KCNJ3: variants seen among roughly 807,000 people sequenced by gnomAD.
KCNJ3 encodes G protein-activated inward rectifier potassium channel 1.
In KCNJ3, 4 loss-of-function variants were observed where a neutral mutation model predicts 39.2. The ratio of observed to expected loss-of-function variants is 0.10; its 90% CI spans 0.05 to 0.23. The LOEUF (loss-of-function observed/expected upper bound fraction) is 0.23. Ranked by LOEUF, KCNJ3 falls within the 10% of genes least tolerant of loss-of-function variation. The probability of loss-of-function intolerance (pLI) is 1.00; values close to 1 mark genes in which losing one functional copy is unlikely to be tolerated. For synonymous variants in KCNJ3, 230 were observed against 237.4 expected (o/e 0.97, Z 0.29); for missense variants, 276 against 634.9 (o/e 0.43, Z 6.08).
chr2:154,853,292 T>TA (rs1353849335), intron 2 of KCNJ3, among the ~76,000 whole-genome samples: 1 of 152,126 alleles, frequency 6.6e-6, no homozygotes, highest in Non-Finnish European at 1.5e-5. Context: ...TGGTAATATA[T>TA]AACAGAATAT....
At chr2:154,770,487 T>G (rs565549081) in intron 2 of KCNJ3, among the ~76,000 whole-genome samples, 5 of 152,234 alleles carry the variant, frequency 3.3e-5, no homozygotes, top group Non-Finnish European at 5.9e-5. Context: ...TTGCCTGTAG[T>G]GTTTTAAGGA....
chr2:154,837,824 T>C lies in KCNJ3; in HGVS notation c.920-16903T>C, dbSNP rs560436133. ...CTCTTTTTCCATCCACCCCAGAATG[T>C]AGTTTTCTCACATTGCGGATATAGA... On this transcript the variant is annotated intron_variant, in intron 2 of 2. Transcript: ENST00000295101. Among the ~76,000 whole-genome samples the C allele has an allele frequency of 2.6e-5, 4 of 152,322 alleles. No individual in the cohort carries two copies. The South Asian group carries it at 8.3e-4, about 32-fold the overall frequency.
Position 154,855,539 on chromosome 2 carries a change from G to T in KCNJ3, c.*226G>T. ...TAACGGGCATGTATTATCACATCAA[G>T]CATGCAATAATGTGCAAATTTTGCA... On this transcript the variant is annotated 3_prime_UTR_variant, in exon 3 of 3. Transcript: ENST00000295101. 2.4e-6 allele frequency: 1 copy of T among 420,254 alleles called. No homozygotes were observed. The highest frequency in any genetic ancestry group is 4.2e-6 in the Non-Finnish European group (1 of 235,524). 26.0% of individuals were successfully genotyped at this position (420,254 alleles called of 1,614,324 possible). A position where few individuals can be genotyped will look rare whatever the true frequency, so the allele number is the denominator to read the frequency against.
chr2:154,702,301 T>C (rs1448850181), intron 1 of KCNJ3, among the ~76,000 whole-genome samples: 1 of 151,996 alleles, frequency 6.6e-6, no homozygotes, highest in Non-Finnish European at 1.5e-5. Flanking sequence ...AGTGCATGTA[T>C]TCTTTTCCTA....
intron 2 of KCNJ3, among the ~76,000 whole-genome samples, chr2:154,719,261 A>C (rs1304568329): frequency 6.6e-6 from 1 of 152,196 alleles, no homozygotes; most frequent in Admixed American, 6.5e-5. Context: ...GAAAGCCACT[A>C]GTATTTATTG....
chr2:154,742,675 G>GA (rs1202829281), intron 2 of KCNJ3, among the ~76,000 whole-genome samples: 38 of 151,610 alleles, frequency 2.5e-4, no homozygotes, highest in Non-Finnish European at 1.5e-5. Context: ...ATTTTCTTTG[G>GA]AAAAAATGTC....
chr2:154,842,586 TA>T (rs1205576147), intron 2 of KCNJ3, among the ~76,000 whole-genome samples: 1 of 152,324 alleles, frequency 6.6e-6, no homozygotes, highest in African/African-American at 2.4e-5. Flanking sequence ...AGTCTCTTTT[TA>T]GGTCTCTAAG....
intron 2 of KCNJ3, among the ~76,000 whole-genome samples, chr2:154,845,637 G>A (rs1483979889): frequency 1.3e-5 from 2 of 152,114 alleles, no homozygotes; most frequent in African/African-American, 2.4e-5. Flanking sequence ...ATGAGACTGG[G>A]ACATTTCCAC....
At chr2:154,805,395 A>AT (rs1292580344) in intron 2 of KCNJ3, among the ~76,000 whole-genome samples, 3 of 151,994 alleles carry the variant, frequency 2.0e-5, no homozygotes, top group Admixed American at 6.6e-5. Flanking sequence ...CTTGTGAAGT[A>AT]TTTTTTTCTC....
intron 2 of KCNJ3, among the ~76,000 whole-genome samples, chr2:154,735,832 C>G (rs1383017030): frequency 6.6e-6 from 1 of 152,100 alleles, no homozygotes; most frequent in Non-Finnish European, 1.5e-5. Context: ...TTCTCCTGCC[C>G]TATAGTTTTC....
At chr2:154,728,622 A>G (rs1685399760) in intron 2 of KCNJ3, among the ~76,000 whole-genome samples, 1 of 152,194 alleles carries the variant, frequency 6.6e-6, no homozygotes, top group Non-Finnish European at 1.5e-5. Flanking sequence ...CCTATAAAAG[A>G]ATGTAGCATG....
intron 2 of KCNJ3, among the ~76,000 whole-genome samples, chr2:154,765,403 A>G (rs1382979700): frequency 6.6e-6 from 1 of 152,188 alleles, no homozygotes; most frequent in African/African-American, 2.4e-5. Flanking sequence ...ATATTTATAT[A>G]CATATTTTGC....
Position 154,698,883 on chromosome 2 carries a change from G to T in KCNJ3, c.108G>T (p.Gln36His). The T allele has an allele frequency of 6.2e-7, 1 of 1,614,206 alleles. No individual in the cohort carries two copies. Among genetic ancestry groups the T allele is most frequent in the Non-Finnish European group, 8.5e-7 (1 of 1,180,044 alleles). ...GGCCAGGCCAGGACCCTCAGCAGCAGCTTGTGCCCAAGAAGAAGCGGCAGC... is the reference window on the plus strand; with the variant it reads ...GGCCAGGCCAGGACCCTCAGCAGCATCTTGTGCCCAAGAAGAAGCGGCAGC... ...PQGPGQDPQQ[Q>H]LVPKKKRQRF... is the part of the protein sequence containing the mutation. Residue 36 changes from glutamine to histidine, a missense_variant, in exon 1 of 3, where the codon CAG becomes CAT. Transcript: ENST00000295101.
intron 2 of KCNJ3, among the ~76,000 whole-genome samples, chr2:154,825,251 G>A (rs1408407877): frequency 2.0e-5 from 3 of 152,030 alleles, no homozygotes; most frequent in Non-Finnish European, 4.4e-5. Flanking sequence ...CATGCTCAGG[G>A]TGAATGCCCA....
chr2:154,728,074 T>A (rs1266693990), intron 2 of KCNJ3, among the ~76,000 whole-genome samples: 1 of 151,990 alleles, frequency 6.6e-6, no homozygotes. Context: ...TATTTCCCCC[T>A]GTTATTCTTA....
intron 2 of KCNJ3, among the ~76,000 whole-genome samples, chr2:154,777,384 T>C (rs921626984): frequency 1.3e-5 from 2 of 152,194 alleles, no homozygotes; most frequent in African/African-American, 4.8e-5. Context: ...TGTACATTTA[T>C]TGGGTTAGCC....
intron 2 of KCNJ3, among the ~76,000 whole-genome samples, chr2:154,748,037 GC>G (rs1685777605): frequency 6.6e-6 from 1 of 151,856 alleles, no homozygotes; most frequent in African/African-American, 2.4e-5. Flanking sequence ...GATTGTTGAG[GC>G]CCCCTGCCTC....
At chr2:154,848,722 G>A (rs1270412114) in intron 2 of KCNJ3, among the ~76,000 whole-genome samples, 1 of 152,098 alleles carries the variant, frequency 6.6e-6, no homozygotes, top group African/African-American at 2.4e-5. Context: ...GAAAAACGGA[G>A]GTTCAGAGAG....
intron 2 of KCNJ3, among the ~76,000 whole-genome samples, chr2:154,774,645 A>G (rs897859607): frequency 3.3e-5 from 5 of 152,166 alleles, no homozygotes; most frequent in African/African-American, 1.2e-4. Context: ...TGTTTAAATC[A>G]AGTGGGAACA....
Sources: gnomAD v4.1 joint callset for allele counts (sites outside exome capture counted in the v4.1 genomes callset) on GRCh38, gnomAD v4.1.1 for gene constraint, MANE v1.5 for transcripts, NCBI Gene and HGNC (gene_info 2026-07-23, HGNC 2026-07-21) for gene names.